Variants in DIPK1C observed in about 807,000 individuals in gnomAD.
DIPK1C encodes divergent protein kinase domain 1C, also known as familial non-conventional Alzheimer's dementia.
In DIPK1C, 33 loss-of-function variants were observed where a neutral mutation model predicts 28.0. The ratio of observed to expected loss-of-function variants is 1.18; its 90% CI spans 0.89 to 1.58. DIPK1C has a LOEUF of 1.58. Among genes scored for constraint, DIPK1C ranks in the 40% most tolerant of loss-of-function variants. DIPK1C has a pLI of 0.00. For synonymous variants in DIPK1C, 255 were observed against 248.8 expected, an observed-to-expected ratio of 1.02 and a Z score of -0.23; for missense variants, 569 against 568.5, an observed-to-expected ratio of 1.00 and a Z score of -0.01.
intron 2 of DIPK1C, among the ~76,000 whole-genome samples, chr18:74,444,906 A>T (rs1269644848): frequency 2.6e-5 from 4 of 152,196 alleles, no homozygotes; most frequent in Non-Finnish European, 4.4e-5. Flanking sequence ...CTGGAGGCAC[A>T]ACTTAGGGGG....
intron 3 of DIPK1C, among the ~76,000 whole-genome samples, chr18:74,439,397 G>A (rs908315393): frequency 6.6e-6 from 1 of 152,076 alleles, no homozygotes; most frequent in Non-Finnish European, 1.5e-5. Flanking sequence ...GGTCTACAAG[G>A]CCCCCTTTAT....
intron 1 of DIPK1C, among the ~76,000 whole-genome samples, chr18:74,450,129 C>T (rs1248203699): frequency 6.6e-6 from 1 of 151,984 alleles, no homozygotes; most frequent in East Asian, 1.9e-4. Context: ...AAGGGCTGTT[C>T]ATTTTACTTG....
rs1325579096 is a variant in DIPK1C at position 74,446,637 on chromosome 18, G to C, written c.845C>G (p.Pro282Arg). ...SHRLHLCDIK[P>R]ENFAIRSDFT... ...GTCGCTCCGGATGGCAAAGTTTTCC[G>C]GCTTGATGTCGCAGAGGTGGAGGCG... Residue 282 changes from proline to arginine, a missense_variant, in exon 2 of 4, where the codon CCG becomes CGG. By Grantham distance (103) the Pro-to-Arg change is moderately radical. Coordinates refer to ENST00000343998, the MANE Select transcript of DIPK1C (RefSeq NM_001044369.3). 1.4e-6 allele frequency: 2 copies of C among 1,471,010 alleles called. No homozygotes were observed. The highest frequency in any genetic ancestry group is 1.8e-6 in the Non-Finnish European group (2 of 1,108,038). 91.1% of individuals were successfully genotyped at this position (1,471,010 alleles called of 1,614,324 possible).
At chr18:74,462,664 C>A (rs1364871806), upstream of DIPK1C, among the ~76,000 whole-genome samples, 3 of 146,694 alleles carry the variant, frequency 2.0e-5, no homozygotes, top group Non-Finnish European at 4.5e-5. Context: ...ATATGTTTTG[C>A]TTAAAAAAAA....
chr18:74,442,719 A>G (rs1346208724), intron 2 of DIPK1C, among the ~76,000 whole-genome samples: 6 of 152,246 alleles, frequency 3.9e-5, no homozygotes, highest in Non-Finnish European at 7.3e-5. Flanking sequence ...AAAGCCCAGG[A>G]TTTGGAACTA....
intron 1 of DIPK1C, among the ~76,000 whole-genome samples, chr18:74,448,992 C>T (rs184735376): frequency 1.7e-3 from 253 of 152,148 alleles, no homozygotes; most frequent in African/African-American, 5.8e-3. Context: ...GCCTGTAGTC[C>T]CAGCTACTAG....
At chr18:74,446,209 G>A (rs541371857) in intron 2 of DIPK1C, among the ~76,000 whole-genome samples, 12 of 152,328 alleles carry the variant, frequency 7.9e-5, no homozygotes, top group South Asian at 2.1e-4. Flanking sequence ...CCACACCGGA[G>A]GCCATCCTCC....
intron 1 of DIPK1C, among the ~76,000 whole-genome samples, chr18:74,451,054 A>T (rs972851960): frequency 2.6e-5 from 4 of 152,168 alleles, no homozygotes; most frequent in Non-Finnish European, 5.9e-5. Context: ...CTGGCCAGGA[A>T]AGGGTGGGGG....
chr18:74,447,191 G>T lies in DIPK1C; in HGVS notation c.291C>A (p.Tyr97Ter). 6.4e-7 allele frequency: 1 copy of T among 1,550,552 alleles called. No homozygotes were observed. Among genetic ancestry groups the T allele is most frequent in the Non-Finnish European group, 8.7e-7 (1 of 1,146,976 alleles). The change falls in exon 2 of 4, where the codon TAC becomes TAA. Residue 97 changes from tyrosine (Y) to a stop codon, truncating the protein, a stop_gained. Transcript: ENST00000343998. LOFTEE classifies it high-confidence loss of function. The surrounding 1 kb of genome is among the most constrained non-coding windows in gnomAD (Gnocchi z 4.1). ...CCTGCAGCACCTTCTTGCCTCTGTTGTAGTGCAGGCAGCGTTGGAACAGCA... is the reference window on the plus strand; with the variant it reads ...CCTGCAGCACCTTCTTGCCTCTGTTTTAGTGCAGGCAGCGTTGGAACAGCA... Reference protein sequence around the residue: ...GELLFQRCLHYNRGKKVLQAD... With the variant: ...GELLFQRCLH
intron 1 of DIPK1C, among the ~76,000 whole-genome samples, chr18:74,455,085 C>T (rs1223899479): frequency 6.6e-6 from 1 of 152,150 alleles, no homozygotes; most frequent in Non-Finnish European, 1.5e-5. Flanking sequence ...CAGAACCAAC[C>T]TCTCCAGCTT....
upstream of DIPK1C, among the ~76,000 whole-genome samples, chr18:74,458,704 T>G (rs1366829604): frequency 9.0e-6 from 1 of 110,704 alleles, no homozygotes; most frequent in Admixed American, 9.5e-5. Context: ...TCCCCCCACC[T>G]CCATCCATCC....
rs987870096 is a variant in DIPK1C at position 74,457,052 on chromosome 18, CG to C, written c.198+9del. The C allele has an allele frequency of 1.2e-5, 17 of 1,442,438 alleles. No individual in the cohort carries two copies. The African/African-American group carries it at 2.5e-4, about 22-fold the overall frequency. 89.4% of individuals were successfully genotyped at this position (1,442,438 alleles called of 1,614,324 possible). On this transcript the variant is annotated intron_variant, in intron 1 of 3. Coordinates refer to ENST00000343998, the MANE Select transcript of DIPK1C (RefSeq NM_001044369.3). ...CGCGCGGCGCGGGGCAGAGCGGCGG[CG>C]GGACCTACCAGCGCGGCCAGGATGC...
upstream of DIPK1C, among the ~76,000 whole-genome samples, chr18:74,458,451 G>A (rs992832514): frequency 1.3e-5 from 2 of 152,064 alleles, no homozygotes; most frequent in African/African-American, 4.8e-5. Flanking sequence ...TCTTGCCCTT[G>A]TCTCTTCTGC....
At chr18:74,461,948 G>A (rs1986624340), upstream of DIPK1C, among the ~76,000 whole-genome samples, 1 of 149,546 alleles carries the variant, frequency 6.7e-6, no homozygotes, top group Admixed American at 6.6e-5. Context: ...TTTTGGTAGA[G>A]ATGGAGTCTT....
intron 1 of DIPK1C, 102 bp downstream of exon 1, chr18:74,456,960 T>G (rs964308419): frequency 1.7e-6 from 2 of 1,204,870 alleles, no homozygotes; most frequent in Non-Finnish European, 2.1e-6. Context: ...CCCCGGCGGG[T>G]GCCACCGCCA....
intron 2 of DIPK1C, among the ~76,000 whole-genome samples, chr18:74,445,767 G>A (rs776339672): frequency 7.2e-5 from 11 of 152,144 alleles, no homozygotes; most frequent in African/African-American, 4.8e-5. Context: ...AGAGCACTCC[G>A]CCCTCCCCAA....
At position 74,441,962 on chromosome 18, in the gene DIPK1C, T is replaced by C. The variant is rs1162842770; in HGVS notation, c.1031A>G (p.Asn344Ser). ...GGCGGACTCTCATACCTGCAGGTTG[T>C]TGTTTACGCGCTGCGCTCCGCATTT... ...VNKCGAQRVNNNLQVICDKIF... is the reference protein window; with the variant it reads ...VNKCGAQRVNSNLQVICDKIF... The change falls in exon 3 of 4, where the codon AAC (asparagine) becomes AGC (serine). Residue 344 changes from asparagine (N) to serine (S), a missense_variant. Coordinates refer to ENST00000343998, the MANE Select transcript of DIPK1C (RefSeq NM_001044369.3). 2 of 1,613,318 alleles carry C rather than the reference T, an allele frequency of 1.2e-6. No homozygotes were observed. Among genetic ancestry groups the C allele is most frequent in the East Asian group, 4.5e-5 (2 of 44,858 alleles).
At chr18:74,438,758 G>C (rs1230767226) in intron 3 of DIPK1C, among the ~76,000 whole-genome samples, 1 of 152,236 alleles carries the variant, frequency 6.6e-6, no homozygotes, top group Non-Finnish European at 1.5e-5. Flanking sequence ...TTTGCATGCA[G>C]GGATTCTTTG....
At chr18:74,455,593 C>A (rs553182740) in intron 1 of DIPK1C, among the ~76,000 whole-genome samples, 1 of 151,922 alleles carries the variant, frequency 6.6e-6, no homozygotes, top group Non-Finnish European at 1.5e-5. Flanking sequence ...GAGTTCGAGA[C>A]GAGCCTGACC....
Sources: gnomAD v4.1 joint callset for allele counts (sites outside exome capture counted in the v4.1 genomes callset) on GRCh38, gnomAD v4.1.1 for gene constraint, Gnocchi (gnomAD v3.1) non-coding constraint, MANE v1.5 for transcripts, NCBI Gene and HGNC (gene_info 2026-07-23, HGNC 2026-07-21) for gene names.